Variants in SLC37A1 observed in about 807,000 individuals in gnomAD.
The protein encoded by SLC37A1 is solute carrier family 37 member 1.
A neutral mutation model predicts 75.3 loss-of-function variants in SLC37A1; 49 were observed. The ratio of observed to expected loss-of-function variants is 0.65; its 90% CI spans 0.52 to 0.83. The LOEUF is 0.83. Ranked by LOEUF, SLC37A1 falls within the 40% of genes least tolerant of loss-of-function variation. The pLI is 0.00. For synonymous variants in SLC37A1, 268 were observed against 292.1 expected, an observed-to-expected ratio of 0.92 and a Z score of 0.84; for missense variants, 566 against 695.0, an observed-to-expected ratio of 0.81 and a Z score of 2.09.
At chr21:42,565,921 A>C (rs988640431) in intron 15 of SLC37A1, 46 bp downstream of exon 15, 10 of 1,571,560 alleles carry the variant, frequency 6.4e-6, no homozygotes, top group Non-Finnish European at 8.7e-6. Context: ...ACGTTTTTAA[A>C]GTTCACACAG....
chr21:42,574,852 C>G lies in SLC37A1; in HGVS notation c.1458C>G (p.Leu486=). Residue 486 remains leucine, a synonymous_variant, in exon 18 of 20, where the codon CTC becomes CTG. Coordinates refer to ENST00000352133, the MANE Select transcript of SLC37A1 (RefSeq NM_001320537.2). ...AALGPLLAGL[L]SPSGWSNVFY... Reference sequence around the variant, plus strand: ...TGGGCCCCCTGCTGGCTGGGCTCCTCTCCCCGTCCGGCTGGAGCAATGTGT... The same window carrying G: ...TGGGCCCCCTGCTGGCTGGGCTCCTGTCCCCGTCCGGCTGGAGCAATGTGT... The G allele has an allele frequency of 1.5e-5, 25 of 1,614,180 alleles. No individual in the cohort carries two copies. The highest frequency in any genetic ancestry group is 2.1e-5 in the Non-Finnish European group (25 of 1,180,024).
chr21:42,565,316 T>C (rs2055948342), intron 14 of SLC37A1, among the ~76,000 whole-genome samples: 1 of 152,276 alleles, frequency 6.6e-6, no homozygotes, highest in Non-Finnish European at 1.5e-5. Context: ...GTAACAGGCT[T>C]GTCAGTGGAC....
At chr21:42,579,631 A>G in intron 18 of SLC37A1, 105 bp from the exon 19 acceptor site, 6 of 880,752 alleles carry the variant, frequency 6.8e-6, no homozygotes, top group South Asian at 3.4e-5. Context: ...GTGGGGAGAG[A>G]GCCACCCGCC....
In SLC37A1 at chr21:42,527,819, G is replaced by C. The variant is rs141773695; in HGVS notation, c.138+1962G>C. Among the ~76,000 whole-genome samples the C allele has an allele frequency of 1.0e-3, 154 of 152,324 alleles. 1 individual carries two copies. Among genetic ancestry groups the C allele is most frequent in the African/African-American group, 3.6e-3 (150 of 41,552 alleles). On this transcript the variant is annotated intron_variant, in intron 3 of 19. Coordinates refer to ENST00000352133, the MANE Select transcript of SLC37A1 (RefSeq NM_001320537.2). ...CTGCGATGTGCCTGGGCATGGATTG[G>C]CTTGACGCTGAATCCTGTGGGTTTC...
At chr21:42,510,862 C>T (rs973416216), upstream of SLC37A1, among the ~76,000 whole-genome samples, 5 of 152,098 alleles carry the variant, frequency 3.3e-5, no homozygotes, top group African/African-American at 9.7e-5. Context: ...TATATATTAA[C>T]GGAACTCAAG....
chr21:42,535,559 C>T lies in SLC37A1; in HGVS notation c.350+9C>T, dbSNP rs1173539491. On this transcript the variant is annotated intron_variant, in intron 5 of 19. Transcript: ENST00000352133. ...GTGGGGATGTACCTCAGGTAGGTCTCCTTCAGTTTTCCAGACCCTTCCTGG... is the reference window on the plus strand; with the variant it reads ...GTGGGGATGTACCTCAGGTAGGTCTTCTTCAGTTTTCCAGACCCTTCCTGG... The T allele has an allele frequency of 6.2e-7, 1 of 1,613,410 alleles. No homozygotes were observed. Among genetic ancestry groups the T allele is most frequent in the East Asian group, 2.2e-5 (1 of 44,888 alleles).
intron 11 of SLC37A1, 172 bp from the exon 12 acceptor site, chr21:42,561,906 C>A (rs887575542): frequency 4.8e-6 from 3 of 623,806 alleles, no homozygotes; most frequent in Non-Finnish European, 8.7e-6. Context: ...CGCGTCCTCA[C>A]TACACCACAC....
At chr21:42,527,402 C>T (rs1368413547) in intron 3 of SLC37A1, among the ~76,000 whole-genome samples, 5 of 152,068 alleles carry the variant, frequency 3.3e-5, no homozygotes, top group East Asian at 3.9e-4. Context: ...AAGCCCCCGC[C>T]CCTGACTCTC....
chr21:42,509,231 G>A (rs138519940), upstream of SLC37A1: 3 of 152,184 alleles, frequency 2.0e-5, no homozygotes, highest in African/African-American at 7.2e-5. The surrounding 1 kb of genome is among the most constrained non-coding windows in gnomAD (Gnocchi z 4.2). Flanking sequence ...TGATTTTTAT[G>A]TCCAATTTTA....
Position 42,574,882 on chromosome 21 carries a change from C to G in SLC37A1, c.1488C>G (p.Tyr496Ter). The G allele has an allele frequency of 6.2e-7, 1 of 1,614,214 alleles. No homozygotes were observed. Among genetic ancestry groups the G allele is most frequent in the Non-Finnish European group, 8.5e-7 (1 of 1,180,026 alleles). The change falls in exon 18 of 20, where the codon TAC (tyrosine) becomes TAG (stop). Residue 496 changes from tyrosine (Y) to a stop codon, truncating the protein, a stop_gained. Coordinates refer to ENST00000352133, the MANE Select transcript of SLC37A1 (RefSeq NM_001320537.2). LOFTEE classifies it high-confidence loss of function. ...CGTCCGGCTGGAGCAATGTGTTTTA[C>G]ATGCTGATGTTTGCAGATGCCTGTG... is the stretch of plus-strand genomic sequence containing the variant. ...LSPSGWSNVFYMLMFADACAL... is the reference protein window; with the variant it reads ...LSPSGWSNVF
At chr21:42,544,251 C>G (rs1313912713) in intron 8 of SLC37A1, among the ~76,000 whole-genome samples, 1 of 152,158 alleles carries the variant, frequency 6.6e-6, no homozygotes, top group Non-Finnish European at 1.5e-5. Flanking sequence ...AAGCTGTACT[C>G]AACTCTTAGT....
At position 42,569,429 on chromosome 21, in the gene SLC37A1, G is replaced by A. The variant is rs539442772; in HGVS notation, c.1423+991G>A. Among the ~76,000 whole-genome samples the A allele has an allele frequency of 1.4e-4, 21 of 152,300 alleles. No individual in the cohort carries two copies. In the East Asian group the frequency reaches 3.5e-3, roughly 25 times the overall value. ...TCCTCCGAAGGCCAGGCTGGCCCCC[G>A]TGCGGGCTCTTTGCTCTGGTCACAC... On this transcript the variant is annotated intron_variant, in intron 17 of 19. Coordinates refer to ENST00000352133, the MANE Select transcript of SLC37A1 (RefSeq NM_001320537.2).
intron 2 of SLC37A1, among the ~76,000 whole-genome samples, chr21:42,519,662 T>G (rs2054597765): frequency 6.6e-6 from 1 of 152,228 alleles, no homozygotes; most frequent in Non-Finnish European, 1.5e-5. Context: ...TTCTCAGCCC[T>G]GCTGGTTGGT....
intron 2 of SLC37A1, among the ~76,000 whole-genome samples, chr21:42,504,872 T>TA (rs1443845110): frequency 5.3e-5 from 8 of 152,226 alleles, no homozygotes; most frequent in Non-Finnish European, 1.2e-4. Flanking sequence ...GCTACCGGTT[T>TA]ACTAAGCCAG....
intron 6 of SLC37A1, among the ~76,000 whole-genome samples, chr21:42,541,753 A>AT (rs964015581): frequency 3.9e-5 from 6 of 152,062 alleles, no homozygotes; most frequent in African/African-American, 7.3e-5. Context: ...GTATTTGTTT[A>AT]TTTTTTGAGA....
intron 7 of SLC37A1, 132 bp downstream of exon 7, chr21:42,542,612 G>T: frequency 2.4e-6 from 2 of 839,632 alleles, no homozygotes; most frequent in Non-Finnish European, 3.7e-6. Context: ...AACCTCTGGG[G>T]CTTGAATTGC....
intron 2 of SLC37A1, among the ~76,000 whole-genome samples, chr21:42,508,256 G>A (rs759176837): frequency 2.0e-5 from 3 of 149,534 alleles, no homozygotes; most frequent in African/African-American, 4.9e-5. Flanking sequence ...AGCCTCCCCC[G>A]TAGCTATGAT....
upstream of SLC37A1, among the ~76,000 whole-genome samples, chr21:42,513,676 G>C (rs531237746): frequency 6.6e-6 from 1 of 150,426 alleles, no homozygotes; most frequent in African/African-American, 2.4e-5. Flanking sequence ...GCCGCAAGGC[G>C]TGGGGGCGCC....
intron 1 of SLC37A1, among the ~76,000 whole-genome samples, chr21:42,517,829 C>T (rs2054551864): frequency 6.6e-6 from 1 of 152,212 alleles, no homozygotes; most frequent in South Asian, 2.1e-4. Flanking sequence ...GATCTGCCCT[C>T]TTGTCTAGGC....
Sources: gnomAD v4.1 joint callset for allele counts (sites outside exome capture counted in the v4.1 genomes callset) on GRCh38, gnomAD v4.1.1 for gene constraint, Gnocchi (gnomAD v3.1) non-coding constraint, MANE v1.5 for transcripts, NCBI Gene and HGNC (gene_info 2026-07-23, HGNC 2026-07-21) for gene names.